Variants in SLC39A12 observed in about 807,000 individuals in gnomAD.
SLC39A12 encodes zinc transporter ZIP12.
Under a neutral mutation model 71.1 loss-of-function variants are expected in SLC39A12, and 63 were observed. The ratio of observed to expected loss-of-function variants is 0.89; its 90% CI spans 0.72 to 1.09. SLC39A12 has a LOEUF of 1.09. Ranked by LOEUF, SLC39A12 falls within the 50% of genes least tolerant of loss-of-function variation. The pLI is 0.00. For missense variants in SLC39A12, 892 were observed against 812.6 expected (o/e 1.10, Z -1.19); for synonymous variants, 351 against 301.3 (o/e 1.16, Z -1.71).
intron 7 of SLC39A12, 62 bp from the exon 8 acceptor site, chr10:17,991,089 T>G (rs547975993): frequency 6.8e-7 from 1 of 1,464,646 alleles, no homozygotes; most frequent in African/African-American, 1.4e-5. Flanking sequence ...ATTTAATAGT[T>G]AAGTCATCAA....
chr10:17,981,534 A>G lies in SLC39A12; in HGVS notation c.1096+51A>G, dbSNP rs754955325. 4.2e-6 allele frequency: 6 copies of G among 1,428,614 alleles called. No individual in the cohort carries two copies. In the East Asian group the frequency reaches 9.3e-5, roughly 22 times the overall value. The allele number at this position is 1,428,614 out of a possible 1,614,324, so 88.5% of individuals were successfully genotyped here. A position where few individuals can be genotyped will look rare whatever the true frequency, so the allele number is the denominator to read the frequency against. ...AGCTGATGTGCACAATGTATGCAAT[A>G]ATAATAGTAAATGCAGGATACTTAC... On this transcript the variant is annotated intron_variant, in intron 6 of 12. Coordinates refer to ENST00000377369, the MANE Select transcript of SLC39A12 (RefSeq NM_001145195.2).
At chr10:18,009,130 A>C (rs1056763834) in intron 12 of SLC39A12, among the ~76,000 whole-genome samples, 23 of 152,134 alleles carry the variant, frequency 1.5e-4, no homozygotes, top group African/African-American at 5.1e-4. Context: ...AATGTTTCAA[A>C]CCTTTAGGCA....
intron 11 of SLC39A12, among the ~76,000 whole-genome samples, chr10:18,001,428 C>T (rs1034237895): frequency 1.6e-4 from 25 of 152,128 alleles, no homozygotes; most frequent in African/African-American, 5.3e-4. Flanking sequence ...GTGGGAGAAT[C>T]GCTTGAACCC....
At chr10:17,997,807 G>T (rs566021379) in intron 10 of SLC39A12, among the ~76,000 whole-genome samples, 3 of 152,162 alleles carry the variant, frequency 2.0e-5, no homozygotes, top group African/African-American at 7.2e-5. Context: ...TCAATCCACA[G>T]TCTGATTTAA....
intron 2 of SLC39A12, among the ~76,000 whole-genome samples, chr10:17,960,708 TGTCCAGCACA>T (rs1388008067): frequency 2.6e-5 from 4 of 152,240 alleles, no homozygotes; most frequent in Non-Finnish European, 1.5e-5. Context: ...AGAATTGTGC[TGTCCAGCACA>T]GTAACCACTA....
chr10:17,993,359 A>G, intron 9 of SLC39A12, 68 bp downstream of exon 9: 2 of 1,090,918 alleles, frequency 1.8e-6, no homozygotes, highest in East Asian at 2.6e-5. Context: ...CAATGAACAA[A>G]TGAAAATCAG....
At chr10:17,992,028 G>A (rs1160782963) in intron 8 of SLC39A12, among the ~76,000 whole-genome samples, 1 of 140,148 alleles carries the variant, frequency 7.1e-6, no homozygotes, top group African/African-American at 2.6e-5. Context: ...GGTAGAGGTT[G>A]CAGTGAGCCG....
chr10:18,004,002 A>G (rs1175279726), intron 12 of SLC39A12, among the ~76,000 whole-genome samples: 3 of 152,328 alleles, frequency 2.0e-5, no homozygotes, highest in Admixed American at 6.5e-5. Flanking sequence ...TATGTTTCCT[A>G]TAGAGGTCCT....
intron 12 of SLC39A12, 141 bp from the exon 13 acceptor site, chr10:18,042,564 G>T: frequency 1.5e-6 from 1 of 668,860 alleles, no homozygotes; most frequent in African/African-American, 1.9e-5. Context: ...TGGTAGAGTA[G>T]GTATTCAGCA....
rs16916765 is a variant in SLC39A12 at position 18,009,004 on chromosome 10, T to C, written c.1947+5646T>C. ...CAAAGTATTGTCTTTTTCCAGCGTT[T>C]GGATAAGAGAGACTTTATTTTTAAC... is the stretch of plus-strand genomic sequence containing the variant. On this transcript the variant is annotated intron_variant, in intron 12 of 12. Transcript: ENST00000377369. Among the ~76,000 whole-genome samples, 877 of 152,286 alleles carry C rather than the reference T, an allele frequency of 5.8e-3. 19 individuals are homozygous for C. The highest frequency in any genetic ancestry group is 0.034 in the East Asian group (175 of 5,184).
At chr10:17,998,408 T>G (rs1835744635) in intron 10 of SLC39A12, among the ~76,000 whole-genome samples, 1 of 152,346 alleles carries the variant, frequency 6.6e-6, no homozygotes, top group South Asian at 2.1e-4. Context: ...TGTTGTCAAA[T>G]GTATCACTTT....
intron 4 of SLC39A12, among the ~76,000 whole-genome samples, chr10:17,974,377 G>C (rs1388924329): frequency 6.6e-6 from 1 of 152,194 alleles, no homozygotes; most frequent in Non-Finnish European, 1.5e-5. Context: ...AGTCATCACT[G>C]TCTGGGCTTG....
intron 9 of SLC39A12, among the ~76,000 whole-genome samples, chr10:17,994,358 A>G (rs1835631848): frequency 1.3e-5 from 2 of 152,192 alleles, no homozygotes; most frequent in African/African-American, 4.8e-5. Context: ...TAGAAATTGT[A>G]TAAACTTTTA....
chr10:17,966,339 C>T (rs1288609724), intron 4 of SLC39A12, among the ~76,000 whole-genome samples: 2 of 152,068 alleles, frequency 1.3e-5, no homozygotes, highest in African/African-American at 4.8e-5. Flanking sequence ...GAGACAGGGT[C>T]TCATTCTGTT....
chr10:18,001,906 A>G (rs1835844691), intron 11 of SLC39A12: 1 of 150,042 alleles, frequency 6.7e-6, no homozygotes, highest in Non-Finnish European at 1.5e-5. Flanking sequence ...GCTATCAAAT[A>G]CTAGGTCTTA....
chr10:18,025,105 C>T (rs868665570), intron 12 of SLC39A12, among the ~76,000 whole-genome samples: 1 of 152,256 alleles, frequency 6.6e-6, no homozygotes, highest in South Asian at 2.1e-4. Context: ...GAATCAATAT[C>T]TACCATGTTT....
At chr10:17,956,793 AGT>A (rs756747486) in intron 2 of SLC39A12, among the ~76,000 whole-genome samples, 127 of 152,356 alleles carry the variant, frequency 8.3e-4, no homozygotes, top group Non-Finnish European at 1.2e-3. Context: ...CATGGAATAA[AGT>A]GTGGAAAACA....
At chr10:17,963,374 G>A (rs1459531960) in intron 3 of SLC39A12, among the ~76,000 whole-genome samples, 2 of 152,202 alleles carry the variant, frequency 1.3e-5, no homozygotes, top group Non-Finnish European at 2.9e-5. Context: ...AAAAGGTGAT[G>A]TGGTGTGTAT....
At chr10:17,995,784 T>A in intron 10 of SLC39A12, 62 bp downstream of exon 10, 1 of 1,429,790 alleles carries the variant, frequency 7.0e-7, no homozygotes. Context: ...ATGTCTGTTT[T>A]AAAATAAAAT....
Sources: gnomAD v4.1 joint callset for allele counts (sites outside exome capture counted in the v4.1 genomes callset) on GRCh38, gnomAD v4.1.1 for gene constraint, MANE v1.5 for transcripts, NCBI Gene and HGNC (gene_info 2026-07-23, HGNC 2026-07-21) for gene names.